Variants in BRF1 observed in about 807,000 individuals in gnomAD.
BRF1 encodes the protein BRF1 general transcription factor IIIB subunit.
Under a neutral mutation model 81.7 loss-of-function variants are expected in BRF1, and 59 were observed. That is an observed-to-expected ratio of 0.72 (90% CI 0.59 to 0.90). BRF1 has a LOEUF of 0.90. Ranked by LOEUF, BRF1 falls within the 40% of genes least tolerant of loss-of-function variation. The pLI is 0.00. For synonymous variants in BRF1, 491 were observed against 395.6 expected (o/e 1.24, Z -2.86); for missense variants, 1,050 against 936.3 (o/e 1.12, Z -1.58).
In BRF1 at chr14:105,249,258, G is replaced by A. The variant is rs773553372; in HGVS notation, c.544+3249C>T. 6 of 1,566,892 alleles carry A rather than the reference G, an allele frequency of 3.8e-6. No homozygotes were observed. The East Asian group carries it at 6.9e-5, about 18-fold the overall frequency. On this transcript the variant is annotated intron_variant, in intron 5 of 17. Transcript: ENST00000547530. ...GTGCCCGCCCACAAGGTGGGTAGCG[G>A]CGGCCCCTCTCGGAACGCGTGCCCC...
chr14:105,314,300 C>A (rs1283630020), intron 1 of BRF1: 1 of 140,448 alleles, frequency 7.1e-6, no homozygotes, highest in East Asian at 2.1e-4. Context: ...CGGGGCATGG[C>A]GGGGTGGAGG....
chr14:105,247,284 C>A (rs2055187969), intron 5 of BRF1: 2 of 985,316 alleles, frequency 2.0e-6, no homozygotes, highest in Non-Finnish European at 1.2e-6. Flanking sequence ...AGTTACGCAC[C>A]CACCTGCAGC....
In BRF1 at chr14:105,250,713, G is replaced by A. The variant is rs757790945; in HGVS notation, c.544+1794C>T. On this transcript the variant is annotated intron_variant, in intron 5 of 17. Transcript: ENST00000547530. The stretch of plus-strand genomic sequence containing the variant: ...TGCAGCAGGTCAGCGAGTGAGTGGA[G>A]GGGAAGTCAAGATGCTAACTGCTTC... The A allele has an allele frequency of 1.1e-5, 17 of 1,565,618 alleles. No individual in the cohort carries two copies. The Admixed American group carries it at 2.7e-4, about 25-fold the overall frequency.
intron 1 of BRF1, among the ~76,000 whole-genome samples, chr14:105,299,583 TA>T (rs1279134322): frequency 6.6e-6 from 1 of 151,654 alleles, no homozygotes; most frequent in African/African-American, 2.4e-5. Context: ...TCGAGATAAA[TA>T]AAAAAATAAG....
At chr14:105,289,773 C>A (rs1429763653) in intron 1 of BRF1, among the ~76,000 whole-genome samples, 2 of 152,154 alleles carry the variant, frequency 1.3e-5, no homozygotes, top group Non-Finnish European at 1.5e-5. Context: ...GTAGCTGGAA[C>A]TACAGGTGCG....
In BRF1 at chr14:105,314,956, C is replaced by T. The variant is rs1265400263; in HGVS notation, c.-162+366G>A. The T allele has an allele frequency of 3.3e-4, 395 of 1,191,758 alleles. 5 individuals are homozygous for T. The highest frequency in any genetic ancestry group is 2.1e-5 in the Non-Finnish European group (20 of 942,000). The allele number at this position is 1,191,758 out of a possible 1,614,324, so 73.8% of individuals were successfully genotyped here. A position where few individuals can be genotyped will look rare whatever the true frequency, so the allele number is the denominator to read the frequency against. On this transcript the variant is annotated intron_variant, in intron 1 of 17. Coordinates refer to the BRF1 transcript ENST00000327359. ...GGCCGCCTCGGCCTCCCCGGCGCGCCCGGCGCGCTCAACACGCCCGTGCCC... is the reference window on the plus strand; with the variant it reads ...GGCCGCCTCGGCCTCCCCGGCGCGCTCGGCGCGCTCAACACGCCCGTGCCC...
At chr14:105,225,330 A>G (rs1021722361) in intron 10 of BRF1, among the ~76,000 whole-genome samples, 6 of 152,224 alleles carry the variant, frequency 3.9e-5, no homozygotes, top group Non-Finnish European at 7.3e-5. Context: ...TCTCTTGGCC[A>G]AGGAGATTTC....
At position 105,210,577 on chromosome 14, in the gene BRF1, C is replaced by G. The variant is rs1889944650; in HGVS notation, c.2008G>C (p.Asp670His). 6.2e-7 allele frequency: 1 copy of G among 1,611,720 alleles called. No homozygotes were observed. The highest frequency in any genetic ancestry group is 1.3e-5 in the African/African-American group (1 of 74,922). ...CAGTAGCCGTCGTCCTCATCGCCAT[C>G]ACAGCCATAGTCTGCAGAAGAGCAC... ...QMMGSNDYGC[D>H]GDEDDGY The change falls in exon 18 of 18, where the codon GAT (aspartate) becomes CAT (histidine). Residue 670 changes from aspartate to histidine, a missense_variant. Physicochemically the swap from Asp to His is moderately conservative, Grantham distance 81 (BLOSUM62 -1). Coordinates refer to ENST00000547530, the MANE Select transcript of BRF1 (RefSeq NM_001519.4). The surrounding 1 kb of genome is among the most constrained non-coding windows in gnomAD (Gnocchi z 4.7).
chr14:105,286,507 C>T (rs1199538453), intron 1 of BRF1, 131 bp from the exon 2 acceptor site: 34 of 887,690 alleles, frequency 3.8e-5, no homozygotes, highest in Non-Finnish European at 6.1e-5. Context: ...GCAGGTCGGC[C>T]CCCCGCACCT....
At chr14:105,282,465 G>A (rs1264203357) in intron 2 of BRF1, among the ~76,000 whole-genome samples, 1 of 152,226 alleles carries the variant, frequency 6.6e-6, no homozygotes, top group Non-Finnish European at 1.5e-5. Flanking sequence ...ACCAAACCTG[G>A]CAGGCTGGGT....
rs891971986 is a variant in BRF1, at chr14:105,226,393, T to G, written c.916-103A>C. Reference sequence around the variant, plus strand: ...CCCAGGGACCACAGGCTGCTAGAACTTAGGGGTACGCAGCGATGGAGGTGG... The same window carrying G: ...CCCAGGGACCACAGGCTGCTAGAACGTAGGGGTACGCAGCGATGGAGGTGG... On this transcript the variant is annotated intron_variant, in intron 8 of 17. Coordinates refer to ENST00000547530, the MANE Select transcript of BRF1 (RefSeq NM_001519.4). The G allele has an allele frequency of 3.9e-6, 6 of 1,528,404 alleles. No individual in the cohort carries two copies. The African/African-American group carries it at 5.5e-5, about 14-fold the overall frequency. The allele number at this position is 1,528,404 out of a possible 1,614,324, so 94.7% of individuals were successfully genotyped here.
chr14:105,217,732 C>T lies in BRF1; in HGVS notation c.1584G>A (p.Met528Ile), dbSNP rs1433496551. 1 of 1,613,390 alleles carries T rather than the reference C, an allele frequency of 6.2e-7. No individual in the cohort carries two copies. Among genetic ancestry groups the T allele is most frequent in the Admixed American group, 1.7e-5 (1 of 60,008 alleles). Residue 528 changes from methionine to isoleucine, a missense_variant, in exon 15 of 18, where the codon ATG (methionine) becomes ATA (isoleucine). Physicochemically the swap from Met to Ile is conservative, Grantham distance 10 (BLOSUM62 1). Around this residue, in one of 2 missense-constraint regions of BRF1, gnomAD observed 1,043 missense variants for 915.4 expected, o/e 1.14. Coordinates refer to ENST00000547530, the MANE Select transcript of BRF1 (RefSeq NM_001519.4). ...ASTAREAIEK[M>I]LEQKKISSKI... ...TGCTGGAGATCTTCTTCTGCTCCAGCATCTTCTCGATGGCCTCCCTGGCGG... is the reference window on the plus strand; with the variant it reads ...TGCTGGAGATCTTCTTCTGCTCCAGTATCTTCTCGATGGCCTCCCTGGCGG...
At chr14:105,260,556 A>C (rs948506677) in intron 3 of BRF1, among the ~76,000 whole-genome samples, 1 of 151,810 alleles carries the variant, frequency 6.6e-6, no homozygotes, top group African/African-American at 2.4e-5. Context: ...TTGTATTTTT[A>C]GTAGAGATGG....
At chr14:105,260,302 T>C in intron 3 of BRF1, among the ~76,000 whole-genome samples, 1 of 152,106 alleles carries the variant, frequency 6.6e-6, no homozygotes, top group East Asian at 1.9e-4. Flanking sequence ...GAGGGCAGCA[T>C]AGCTTTGGGG....
intron 17 of BRF1, 107 bp downstream of exon 17, chr14:105,211,015 C>T: frequency 2.0e-6 from 3 of 1,501,996 alleles, no homozygotes; most frequent in Non-Finnish European, 2.7e-6. Flanking sequence ...CAGGGAGAAA[C>T]AGAAATTTAG....
At chr14:105,248,218 G>GA (rs905513892) in intron 5 of BRF1, 3 of 985,392 alleles carry the variant, frequency 3.0e-6, no homozygotes, top group Non-Finnish European at 3.6e-6. Flanking sequence ...GCATCTGAAC[G>GA]AACGAGGAAG....
chr14:105,280,571 G>C (rs907987174), intron 2 of BRF1, among the ~76,000 whole-genome samples: 1 of 152,130 alleles, frequency 6.6e-6, no homozygotes, highest in African/African-American at 2.4e-5. Context: ...ATGATCCTGA[G>C]CCCGCGTGCG....
chr14:105,226,206 T>C, intron 9 of BRF1, 45 bp from the exon 10 acceptor site: 6 of 1,614,018 alleles, frequency 3.7e-6, no homozygotes, highest in Non-Finnish European at 5.1e-6. Flanking sequence ...AAAATCAATT[T>C]TCCCAACAAA....
At position 105,272,631 on chromosome 14, in the gene BRF1, G is replaced by A. The variant is rs923025426; in HGVS notation, c.439+90C>T. ...TTTTTCTATTAAAGACAAACACCAA[G>A]TTACTGCAACTACCAAGTCCCAATA... On this transcript the variant is annotated intron_variant, in intron 3 of 17. Transcript: ENST00000547530. 3.2e-5 allele frequency: 46 copies of A among 1,446,256 alleles called. No individual in the cohort carries two copies. The African/African-American group carries it at 5.5e-4, about 17-fold the overall frequency. 89.6% of individuals were successfully genotyped at this position (1,446,256 alleles called of 1,614,324 possible).
Sources: allele counts gnomAD v4.1 joint callset (sites outside exome capture counted in the v4.1 genomes callset), GRCh38; gene constraint gnomAD v4.1.1; regional missense constraint gnomAD v4.1.1; non-coding constraint Gnocchi (gnomAD v3.1); transcripts MANE v1.5; gene names NCBI Gene and HGNC (gene_info 2026-07-23, HGNC 2026-07-21).